The following SLC12A8 variants were observed in gnomAD, a reference collection of about 807,000 sequenced individuals.
SLC12A8 encodes cation-chloride cotransporter 9.
SLC12A8 carries 69 observed loss-of-function variants against 75.6 expected under a neutral mutation model. The ratio of observed to expected loss-of-function variants is 0.91; its 90% CI spans 0.75 to 1.11. The LOEUF (loss-of-function observed/expected upper bound fraction) is 1.11, where lower values mean the gene tolerates loss of function less well. Ranked by LOEUF, SLC12A8 falls within the 50% of genes most tolerant of loss-of-function variation. The pLI, the probability that SLC12A8 is intolerant of heterozygous loss-of-function variation, is 0.00. For missense variants in SLC12A8, 877 were observed against 896.7 expected (o/e 0.98, Z 0.28); for synonymous variants, 365 against 372.8 (o/e 0.98, Z 0.24).
intron 6 of SLC12A8, among the ~76,000 whole-genome samples, chr3:125,125,293 C>T (rs908759293): frequency 2.0e-5 from 3 of 152,142 alleles, no homozygotes; most frequent in Non-Finnish European, 4.4e-5. Context: ...TGGAGTGGCT[C>T]ATGCCTGTAA....
chr3:125,130,576 A>G (rs1933325759), intron 6 of SLC12A8, among the ~76,000 whole-genome samples: 1 of 149,664 alleles, frequency 6.7e-6, no homozygotes, highest in African/African-American at 2.5e-5. Flanking sequence ...TGGGTGACAG[A>G]GCGAGACCCT....
rs529232041 is a variant in SLC12A8, at chr3:125,109,796, G to C, written c.1059+393C>G. On this transcript the variant is annotated intron_variant, in intron 9 of 13. Transcript: ENST00000469902. ...GTTGAAACTCAAGGGCAGAGTTAGAGCTGCAAGGACCAGCTCGCCTCCTGA... is the reference window on the plus strand; with the variant it reads ...GTTGAAACTCAAGGGCAGAGTTAGACCTGCAAGGACCAGCTCGCCTCCTGA... 2.0e-5 allele frequency among the ~76,000 whole-genome samples: 3 copies of C among 152,310 alleles called. No homozygotes were observed. The East Asian group carries it at 5.8e-4, about 29-fold the overall frequency.
At chr3:125,137,340 T>G (rs1351658868) in intron 5 of SLC12A8, among the ~76,000 whole-genome samples, 1 of 152,228 alleles carries the variant, frequency 6.6e-6, no homozygotes, top group Non-Finnish European at 1.5e-5. Flanking sequence ...AACACAGAAT[T>G]TGTTCTGGCA....
chr3:125,137,956 C>T (rs1193971698), intron 5 of SLC12A8, among the ~76,000 whole-genome samples: 2 of 151,886 alleles, frequency 1.3e-5, no homozygotes, highest in Admixed American at 6.6e-5. Context: ...CACGCTCACA[C>T]TCACACGCTC....
At chr3:125,147,740 C>T (rs1232315417) in intron 5 of SLC12A8, among the ~76,000 whole-genome samples, 1 of 152,158 alleles carries the variant, frequency 6.6e-6, no homozygotes, top group Non-Finnish European at 1.5e-5. Flanking sequence ...CTGCTCCTGA[C>T]TGAACGTGAT....
chr3:125,131,637 G>A (rs1358870228), intron 6 of SLC12A8, among the ~76,000 whole-genome samples: 3 of 152,076 alleles, frequency 2.0e-5, no homozygotes, highest in Non-Finnish European at 4.4e-5. Context: ...ATCTGCCCAC[G>A]TCATCCTCCC....
At chr3:125,173,226 TG>T (rs1233721931) in intron 5 of SLC12A8, among the ~76,000 whole-genome samples, 5 of 151,988 alleles carry the variant, frequency 3.3e-5, no homozygotes, top group South Asian at 4.2e-4. Flanking sequence ...GGGACAAAGT[TG>T]GAGGATAGAT....
Position 125,101,239 on chromosome 3 carries a change from G to A in SLC12A8, c.1705+6242C>T, listed in dbSNP as rs546271369. On this transcript the variant is annotated intron_variant, in intron 10 of 13. Coordinates refer to ENST00000469902, the MANE Select transcript of SLC12A8 (RefSeq NM_024628.6). ...CTGAGCCTCAGTTTTATCATCTGTA[G>A]AAAGACAGAACAATGCCTAAATCTG... 9.8e-4 allele frequency among the ~76,000 whole-genome samples: 149 copies of A among 152,268 alleles called. 1 individual carries two copies. The highest frequency in any genetic ancestry group is 1.0e-3 in the Non-Finnish European group (71 of 68,020).
chr3:125,099,303 C>A (rs1212611480), intron 10 of SLC12A8, among the ~76,000 whole-genome samples: 1 of 152,082 alleles, frequency 6.6e-6, no homozygotes, highest in East Asian at 1.9e-4. Context: ...GAAATCCAGG[C>A]AATTTACTAA....
chr3:125,208,767 C>CAT (rs1935275039), intron 2 of SLC12A8, among the ~76,000 whole-genome samples: 1 of 123,190 alleles, frequency 8.1e-6, no homozygotes, highest in African/African-American at 3.0e-5. Context: ...CACACACACA[C>CAT]ACACACACAC....
chr3:125,162,124 C>A (rs1934188618), intron 5 of SLC12A8, among the ~76,000 whole-genome samples: 1 of 152,250 alleles, frequency 6.6e-6, no homozygotes, highest in Admixed American at 6.5e-5. Context: ...TATCCATCGC[C>A]CAGGCGACTG....
At chr3:125,129,452 G>A (rs1369388664) in intron 6 of SLC12A8, among the ~76,000 whole-genome samples, 2 of 152,186 alleles carry the variant, frequency 1.3e-5, no homozygotes, top group Non-Finnish European at 2.9e-5. Flanking sequence ...CCAGCACAGG[G>A]TGTAATGGAG....
chr3:125,202,640 T>G (rs1163225198), intron 2 of SLC12A8, among the ~76,000 whole-genome samples: 6 of 73,498 alleles, frequency 8.2e-5, no homozygotes, highest in Non-Finnish European at 1.6e-4. Context: ...GTTTTTTTTT[T>G]TTTTTTTTTT....
Position 125,185,783 on chromosome 3 carries a change from C to T in SLC12A8, c.390+1454G>A, listed in dbSNP as rs532383407. On this transcript the variant is annotated intron_variant, in intron 4 of 13. Coordinates refer to ENST00000469902, the MANE Select transcript of SLC12A8 (RefSeq NM_024628.6). ...ACACTAACCACACCCTGATCAGGGACTCCTGGCCCGCGCCAGCGACAAACA... is the reference window on the plus strand; with the variant it reads ...ACACTAACCACACCCTGATCAGGGATTCCTGGCCCGCGCCAGCGACAAACA... 3.3e-4 allele frequency among the ~76,000 whole-genome samples: 51 copies of T among 152,334 alleles called. No homozygotes were observed. The South Asian group carries it at 5.8e-3, about 17-fold the overall frequency.
intron 10 of SLC12A8, among the ~76,000 whole-genome samples, chr3:125,101,833 C>T (rs991158698): frequency 1.3e-5 from 2 of 152,166 alleles, no homozygotes; most frequent in African/African-American, 2.4e-5. Context: ...TTGATCAATG[C>T]TTCAATGTTT....
intron 7 of SLC12A8, chr3:125,120,029 T>G (rs914698577): frequency 1.0e-5 from 4 of 384,800 alleles, no homozygotes; most frequent in Non-Finnish European, 2.1e-5. Context: ...GGAGGCTCAC[T>G]GGGGGAAGAA....
At chr3:125,120,138 A>G (rs983706284) in intron 7 of SLC12A8, among the ~76,000 whole-genome samples, 5 of 152,212 alleles carry the variant, frequency 3.3e-5, no homozygotes, top group African/African-American at 1.2e-4. Flanking sequence ...AAGAAAGGAA[A>G]TGGAGGCTCA....
intron 2 of SLC12A8, among the ~76,000 whole-genome samples, chr3:125,191,962 A>G (rs111612171): frequency 0.023 from 3,516 of 152,296 alleles, 152 homozygotes; most frequent in African/African-American, 0.08. Context: ...TTGTCAGAAC[A>G]GTCCTCGTGG....
chr3:125,103,143 G>T (rs1938926985), intron 10 of SLC12A8, among the ~76,000 whole-genome samples: 1 of 152,148 alleles, frequency 6.6e-6, no homozygotes, highest in African/African-American at 2.4e-5. Context: ...AGCAAAGAGT[G>T]TGGAAATGGA....
Sources: allele counts gnomAD v4.1 joint callset (sites outside exome capture counted in the v4.1 genomes callset), GRCh38; gene constraint gnomAD v4.1.1; transcripts MANE v1.5; gene names NCBI Gene and HGNC (gene_info 2026-07-23, HGNC 2026-07-21).